CORIN: variants seen among roughly 807,000 people sequenced by gnomAD.
The protein encoded by CORIN is corin, serine peptidase.
A neutral mutation model predicts 125.3 loss-of-function variants in CORIN; 117 were observed. The observed-to-expected ratio is 0.93, with a 90% confidence interval of 0.80 to 1.09. The LOEUF (loss-of-function observed/expected upper bound fraction) is 1.09. Among genes scored for constraint, CORIN ranks in the 50% least tolerant of loss-of-function variants. The probability of loss-of-function intolerance (pLI) is 0.00; values close to 1 mark genes in which losing one functional copy is unlikely to be tolerated. For missense variants in CORIN, 1,253 were observed against 1,306.7 expected, an observed-to-expected ratio of 0.96 and a Z score of 0.63; for synonymous variants, 450 against 466.4, an observed-to-expected ratio of 0.96 and a Z score of 0.45.
intron 13 of CORIN, among the ~76,000 whole-genome samples, chr4:47,648,504 T>A (rs975579661): frequency 6.6e-6 from 1 of 152,226 alleles, no homozygotes; most frequent in Non-Finnish European, 1.5e-5. Flanking sequence ...ATCTCTCATT[T>A]TCACAAAAAC....
intron 3 of CORIN, among the ~76,000 whole-genome samples, chr4:47,777,017 G>A (rs925937533): frequency 2.6e-5 from 4 of 152,166 alleles, no homozygotes; most frequent in Non-Finnish European, 1.5e-5. Context: ...GATCATGTTT[G>A]TTTCTGAGCC....
intron 3 of CORIN, among the ~76,000 whole-genome samples, chr4:47,778,539 GAGA>G (rs1730396180): frequency 1.3e-5 from 2 of 152,194 alleles, no homozygotes; most frequent in Admixed American, 6.5e-5. Flanking sequence ...TCAGGGAAAA[GAGA>G]AGAAGAGAAT....
At chr4:47,623,069 C>CCTCTCT (rs372736248) in intron 19 of CORIN, among the ~76,000 whole-genome samples, 2,473 of 93,302 alleles carry the variant, frequency 0.027, 44 homozygotes, top group Admixed American at 0.05. Context: ...CATAACATAA[C>CCTCTCT]CTCTCTCTCT....
intron 21 of CORIN, among the ~76,000 whole-genome samples, chr4:47,596,928 G>A (rs1721275769): frequency 6.6e-6 from 1 of 152,154 alleles, no homozygotes; most frequent in Non-Finnish European, 1.5e-5. Context: ...TGAAACAGAA[G>A]CACAGGTTAA....
At chr4:47,624,427 G>A (rs1722470594) in intron 17 of CORIN, among the ~76,000 whole-genome samples, 2 of 152,066 alleles carry the variant, frequency 1.3e-5, no homozygotes, top group African/African-American at 2.4e-5. Context: ...AATACTCCAA[G>A]ATGAGTAAAA....
chr4:47,609,739 G>A (rs370739772), intron 19 of CORIN, among the ~76,000 whole-genome samples: 6 of 152,042 alleles, frequency 3.9e-5, no homozygotes, highest in Admixed American at 2.0e-4. Context: ...GCTATTCTCC[G>A]TGATGCTCTT....
intron 5 of CORIN, among the ~76,000 whole-genome samples, chr4:47,738,212 T>C (rs1577877853): frequency 2.0e-5 from 3 of 152,166 alleles, no homozygotes; most frequent in African/African-American, 7.2e-5. Flanking sequence ...AAGGCCCAAA[T>C]ATCTCACCTG....
At chr4:47,626,209 GA>G (rs528654489) in intron 17 of CORIN, among the ~76,000 whole-genome samples, 195 bp downstream of exon 17, 1 of 151,510 alleles carries the variant, frequency 6.6e-6, no homozygotes, top group Non-Finnish European at 1.5e-5. Flanking sequence ...GAATAAAAGA[GA>G]AAAAAAATCT....
intron 6 of CORIN, among the ~76,000 whole-genome samples, chr4:47,691,103 T>G (rs1008750435): frequency 6.6e-6 from 1 of 152,216 alleles, no homozygotes; most frequent in Non-Finnish European, 1.5e-5. Context: ...ATTAGCCCCT[T>G]CAAATTTAAT....
chr4:47,657,497 T>C (rs1226806434), intron 12 of CORIN, among the ~76,000 whole-genome samples: 1 of 140,424 alleles, frequency 7.1e-6, no homozygotes, highest in Non-Finnish European at 1.5e-5. Context: ...ATCACGCCAC[T>C]GCACTCCAGC....
In CORIN at chr4:47,680,207, T is replaced by C. The variant is rs931714885; in HGVS notation, c.1066A>G (p.Ile356Val). The C allele has an allele frequency of 8.7e-6, 14 of 1,613,924 alleles. No individual in the cohort carries two copies. The highest frequency in any genetic ancestry group is 2.7e-5 in the African/African-American group (2 of 74,928). Residue 356 changes from isoleucine (I) to valine (V), a missense_variant, in exon 8 of 22, where the codon ATC becomes GTC. Transcript: ENST00000273857. ...TEHRCGDGRC[I>V]AMEWVCDGDH... ...CCATCACACACCCACTCCATGGCGATGCAGCGCCCGTCCCCGCAGCGATGC... is the reference window on the plus strand; with the variant it reads ...CCATCACACACCCACTCCATGGCGACGCAGCGCCCGTCCCCGCAGCGATGC...
chr4:47,653,152 T>C (rs927563640), intron 13 of CORIN, among the ~76,000 whole-genome samples: 1 of 152,192 alleles, frequency 6.6e-6, no homozygotes, highest in Non-Finnish European at 1.5e-5. Context: ...TTATAATTGA[T>C]CCATTTTATT....
chr4:47,641,814 T>C (rs1420162595), intron 16 of CORIN, 106 bp downstream of exon 16: 6 of 1,378,908 alleles, frequency 4.4e-6, no homozygotes, highest in Middle Eastern at 1.9e-4. Flanking sequence ...TGAAGGACTC[T>C]TTGTTTGAGA....
intron 5 of CORIN, among the ~76,000 whole-genome samples, chr4:47,741,285 T>C (rs1487685746): frequency 1.3e-5 from 2 of 152,042 alleles, no homozygotes; most frequent in African/African-American, 4.8e-5. Flanking sequence ...TGAATAGATA[T>C]TTCTCAATAT....
intron 16 of CORIN, among the ~76,000 whole-genome samples, chr4:47,635,750 T>C (rs1196798291): frequency 1.3e-5 from 2 of 152,186 alleles, no homozygotes; most frequent in Admixed American, 6.5e-5. Flanking sequence ...GTCAGTCCTG[T>C]CTTTCAGGTA....
Position 47,706,886 on chromosome 4 carries a change from C to G in CORIN, c.800-13803G>C, listed in dbSNP as rs1012891709. 23 of 1,599,174 alleles carry G rather than the reference C, an allele frequency of 1.4e-5. No individual in the cohort carries two copies. The Middle Eastern group carries it at 8.0e-4, about 55-fold the overall frequency. ...GCTGACATCTGCAGGCCGAAAGAGC[C>G]GTGGCCTTGGAAAGGGCCATAAGTT... is the stretch of plus-strand genomic sequence containing the variant. On this transcript the variant is annotated intron_variant, in intron 5 of 21. Coordinates refer to ENST00000273857, the MANE Select transcript of CORIN (RefSeq NM_006587.4).
At position 47,626,366 on chromosome 4, in the gene CORIN, T is replaced by C. The variant is rs369637503; in HGVS notation, c.2315+39A>G. 4 of 1,211,582 alleles carry C rather than the reference T, an allele frequency of 3.3e-6. No homozygotes were observed. In the African/African-American group the frequency reaches 4.5e-5, roughly 14 times the overall value. The allele number at this position is 1,211,582 out of a possible 1,614,324, so 75.1% of individuals were successfully genotyped here. On this transcript the variant is annotated intron_variant, in intron 17 of 21. Coordinates refer to ENST00000273857, the MANE Select transcript of CORIN (RefSeq NM_006587.4). The stretch of plus-strand genomic sequence containing the variant: ...GGCCCAATGATAAACTCTTGCTCTG[T>C]AATCTGACTCTACACAGCTCTTATG...
intron 2 of CORIN, among the ~76,000 whole-genome samples, chr4:47,790,575 A>G (rs150850539): frequency 5.1e-4 from 78 of 152,304 alleles, no homozygotes; most frequent in African/African-American, 1.7e-3. Flanking sequence ...CTAAGGAGAA[A>G]GTCCTACAAC....
At chr4:47,760,044 A>G (rs77317840) in intron 4 of CORIN, among the ~76,000 whole-genome samples, 121 of 152,302 alleles carry the variant, frequency 7.9e-4, no homozygotes, top group African/African-American at 2.8e-3. Context: ...AGAATGGTAA[A>G]TCATTTCCTA....
Sources: gnomAD v4.1 joint callset for allele counts (sites outside exome capture counted in the v4.1 genomes callset) on GRCh38, gnomAD v4.1.1 for gene constraint, MANE v1.5 for transcripts, NCBI Gene and HGNC (gene_info 2026-07-23, HGNC 2026-07-21) for gene names.